The following GPHN variants were observed in gnomAD, a reference collection of about 807,000 sequenced individuals.
GPHN encodes the protein gephyrin.
Under a neutral mutation model 95.5 loss-of-function variants are expected in GPHN, and 17 were observed. The observed-to-expected ratio is 0.18, with a 90% CI of 0.12 to 0.27. The LOEUF is 0.27. Ranked by LOEUF, GPHN falls within the 10% of genes least tolerant of loss-of-function variation. The probability of loss-of-function intolerance (pLI) is 1.00; values close to 1 mark genes in which losing one functional copy is unlikely to be tolerated. For missense variants in GPHN, 660 were observed against 978.1 expected (o/e 0.67, Z 4.34); for synonymous variants, 320 against 322.5 (o/e 0.99, Z 0.08).
the GPHN span, among the ~76,000 whole-genome samples, chr14:67,697,175 C>T: frequency 4.6e-5 from 7 of 152,200 alleles, no homozygotes; most frequent in South Asian, 1.4e-3. Context: ...GCCCGGAGTT[C>T]ATGGACTGTC....
Position 66,630,911 on chromosome 14 carries a change from GT to G in GPHN, c.65-50186del, listed in dbSNP as rs1030606027. 2.8e-3 allele frequency among the ~76,000 whole-genome samples: 41 copies of G among 14,532 alleles called. 1 individual carries two copies. Among genetic ancestry groups the G allele is most frequent in the Admixed American group, 1.7e-3 (2 of 1,188 alleles). The allele number at this position is 14,532 out of a possible 152,430, so 9.5% of individuals were successfully genotyped here. On this transcript the variant is annotated intron_variant, in intron 1 of 22. Transcript: ENST00000478722. Reference sequence around the variant, plus strand: ...CTTTTATCTTCGACCTATTTAATGTGTTTTTTTTTTCTTACATTTTATGGAG... The same window carrying G: ...CTTTTATCTTCGACCTATTTAATGTGTTTTTTTTTCTTACATTTTATGGAG...
chr14:67,143,302 G>A, intron 17 of GPHN, 60 bp from the exon 18 acceptor site: 1 of 1,008,482 alleles, frequency 9.9e-7, no homozygotes, highest in Non-Finnish European at 1.6e-6. Flanking sequence ...GTTTTAAGTT[G>A]GCACTATATC....
chr14:66,536,683 T>C (rs2140011686), intron 1 of GPHN, among the ~76,000 whole-genome samples: 1 of 152,334 alleles, frequency 6.6e-6, no homozygotes, highest in East Asian at 1.9e-4. Context: ...TCTGAAAGCA[T>C]TTGTGATTGA....
At chr14:67,487,165 A>T in the GPHN span, 3 of 152,160 alleles carry the variant, frequency 2.0e-5, no homozygotes, top group Non-Finnish European at 2.9e-5. Context: ...GGCAGCTTCC[A>T]TGTGTCCCTG....
At chr14:67,246,808 C>A in the GPHN span, among the ~76,000 whole-genome samples, 1 of 152,040 alleles carries the variant, frequency 6.6e-6, no homozygotes, top group African/African-American at 2.4e-5. Context: ...CGCACCACCA[C>A]GCCCAGCTAA....
the GPHN span, among the ~76,000 whole-genome samples, chr14:67,432,643 T>C: frequency 2.6e-5 from 4 of 152,122 alleles, no homozygotes; most frequent in African/African-American, 9.7e-5. Flanking sequence ...TGCCACAAAC[T>C]GTGGGGCTGA....
At chr14:67,321,610 A>G in the GPHN span, among the ~76,000 whole-genome samples, 4 of 152,152 alleles carry the variant, frequency 2.6e-5, no homozygotes, top group Non-Finnish European at 4.4e-5. Context: ...TTTATCTTTT[A>G]TATACACCTT....
intron 1 of GPHN, among the ~76,000 whole-genome samples, chr14:66,524,047 A>G (rs1045535133): frequency 6.6e-6 from 1 of 152,134 alleles, no homozygotes; most frequent in African/African-American, 2.4e-5. Context: ...GGTTTAAAGT[A>G]AAGTATGTAT....
chr14:67,389,094 C>T, the GPHN span, among the ~76,000 whole-genome samples: 6 of 151,818 alleles, frequency 4.0e-5, no homozygotes, highest in African/African-American at 1.2e-4. Flanking sequence ...TGGTGGTATC[C>T]CTGGACGATT....
the GPHN span, among the ~76,000 whole-genome samples, chr14:67,266,254 CTT>C: frequency 5.3e-5 from 8 of 152,020 alleles, no homozygotes; most frequent in African/African-American, 1.7e-4. Context: ...ATCATGGGGA[CTT>C]TATTTTTGTT....
chr14:66,580,281 G>A (rs1270955255), intron 1 of GPHN, among the ~76,000 whole-genome samples: 3 of 151,704 alleles, frequency 2.0e-5, no homozygotes, highest in Non-Finnish European at 4.4e-5. Flanking sequence ...TCTCAATCTA[G>A]TGTTACACTT....
chr14:67,304,598 A>C, the GPHN span, among the ~76,000 whole-genome samples: 1 of 152,364 alleles, frequency 6.6e-6, no homozygotes, highest in East Asian at 1.9e-4. Flanking sequence ...AATCCATAGG[A>C]GAGAAAGCAG....
At chr14:67,014,937 G>A (rs1798964926) in intron 9 of GPHN, among the ~76,000 whole-genome samples, 1 of 152,158 alleles carries the variant, frequency 6.6e-6, no homozygotes, top group African/African-American at 2.4e-5. Flanking sequence ...AGAGGTCACT[G>A]AACATGGTTC....
At chr14:66,714,559 C>G (rs1206882866) in intron 2 of GPHN, among the ~76,000 whole-genome samples, 1 of 152,128 alleles carries the variant, frequency 6.6e-6, no homozygotes, top group African/African-American at 2.4e-5. Context: ...TGTTCCAGTT[C>G]TTAGAGGGAA....
intron 1 of GPHN, among the ~76,000 whole-genome samples, chr14:66,569,735 A>T (rs2140349155): frequency 6.6e-6 from 1 of 152,016 alleles, no homozygotes; most frequent in East Asian, 1.9e-4. Flanking sequence ...TGTTACATAT[A>T]TATATATAGT....
the GPHN span, among the ~76,000 whole-genome samples, chr14:67,655,902 T>C: frequency 2.0e-5 from 3 of 152,076 alleles, no homozygotes; most frequent in Admixed American, 1.3e-4. Context: ...GTCTAAATCT[T>C]AGGGGTAAAA....
the GPHN span, among the ~76,000 whole-genome samples, chr14:67,361,536 T>A: frequency 6.6e-6 from 1 of 152,250 alleles, no homozygotes; most frequent in Admixed American, 6.5e-5. Context: ...ATTAGAATTA[T>A]CACGAGAGTT....
intron 1 of GPHN, among the ~76,000 whole-genome samples, chr14:66,609,629 A>T (rs1161876917): frequency 6.6e-6 from 1 of 151,938 alleles, no homozygotes; most frequent in African/African-American, 2.4e-5. Context: ...TTCATTTTTA[A>T]AATATTCTTT....
At chr14:66,835,575 A>G (rs1382364953) in intron 4 of GPHN, among the ~76,000 whole-genome samples, 2 of 151,744 alleles carry the variant, frequency 1.3e-5, no homozygotes, top group Non-Finnish European at 2.9e-5. Flanking sequence ...TATTCAACAT[A>G]GTGTTGGAAG....
Sources: gnomAD v4.1 joint callset for allele counts (sites outside exome capture counted in the v4.1 genomes callset) on GRCh38, gnomAD v4.1.1 for gene constraint, MANE v1.5 for transcripts, NCBI Gene and HGNC (gene_info 2026-07-23, HGNC 2026-07-21) for gene names.